CCAR2: variants seen among roughly 807,000 people sequenced by gnomAD.
The protein encoded by CCAR2 is cell cycle and apoptosis regulator 2.
A neutral mutation model predicts 108.1 loss-of-function variants in CCAR2; 21 were observed. The ratio of observed to expected loss-of-function variants is 0.19; its 90% CI spans 0.14 to 0.28. The LOEUF (loss-of-function observed/expected upper bound fraction) is 0.28, where lower values mean the gene tolerates loss of function less well. Ranked by LOEUF, CCAR2 falls within the 10% of genes least tolerant of loss-of-function variation. CCAR2 has a pLI of 1.00. For synonymous variants in CCAR2, 577 were observed against 472.8 expected, an observed-to-expected ratio of 1.22 and a Z score of -2.86; for missense variants, 1,126 against 1,177.0, an observed-to-expected ratio of 0.96 and a Z score of 0.63.
intron 1 of CCAR2, 162 bp from the exon 2 acceptor site, chr8:22,605,574 C>T (rs941293228): frequency 5.3e-5 from 31 of 588,804 alleles, no homozygotes; most frequent in African/African-American, 5.2e-4. Context: ...TTTCTTGTTT[C>T]ATTTCTTTCT....
intron 19 of CCAR2, 21 bp from the exon 20 acceptor site, chr8:22,619,129 G>A (rs200515228): frequency 1.2e-5 from 19 of 1,603,012 alleles, no homozygotes; most frequent in Admixed American, 3.4e-5. Flanking sequence ...AGCCGTCCCC[G>A]TTTCCTTCTC....
Position 22,614,263 on chromosome 8 carries a change from CGCTGGT to C in CCAR2, c.881_886del (p.Gly294_Ala295del), listed in dbSNP as rs764757442. 2.7e-5 allele frequency: 44 copies of C among 1,613,966 alleles called. No homozygotes were observed. In the African/African-American group the frequency reaches 4.5e-4, roughly 17 times the overall value. ...CTTCTGAAAAGGAGGCAGCTCCAGA[CGCTGGT>C]GCTGAGCCCATCACTGCAGACAGTG... On this transcript the variant is annotated inframe_deletion, in exon 9 of 21. Coordinates refer to ENST00000308511, the MANE Select transcript of CCAR2 (RefSeq NM_001393997.1).
rs200140717 is a variant in CCAR2 at position 22,619,726 on chromosome 8, C to T, written c.*44C>T. 2 of 1,549,408 alleles carry T rather than the reference C, an allele frequency of 1.3e-6. No homozygotes were observed. Among genetic ancestry groups the T allele is most frequent in the Non-Finnish European group, 8.7e-7 (1 of 1,146,508 alleles). On this transcript the variant is annotated 3_prime_UTR_variant, in exon 21 of 21. Transcript: ENST00000308511. The stretch of plus-strand genomic sequence containing the variant: ...CCATCCTGTGAGGGCAGCGGTGGCG[C>T]CCGGCAAAGTTGGAGCCCTTGCGGT...
intron 5 of CCAR2, 50 bp from the exon 6 acceptor site, chr8:22,607,146 G>A: frequency 6.2e-7 from 1 of 1,610,958 alleles, no homozygotes; most frequent in Non-Finnish European, 8.5e-7. Flanking sequence ...CCAAGGTAGT[G>A]AGTGCCTCAA....
chr8:22,616,488 C>T (rs1460991732), intron 14 of CCAR2: 9 of 559,344 alleles, frequency 1.6e-5, no homozygotes, highest in Non-Finnish European at 2.2e-5. Flanking sequence ...GAACGCTTGG[C>T]AGAGTGGGGT....
At chr8:22,617,822 G>GC in intron 16 of CCAR2, 44 bp downstream of exon 16, 1 of 1,593,842 alleles carries the variant, frequency 6.3e-7, no homozygotes, top group Non-Finnish European at 8.6e-7. Flanking sequence ...TGGTGGTGAG[G>GC]CTTGGCAAGG....
At chr8:22,615,121 TCC>T (rs1158661759) in intron 11 of CCAR2, 120 bp downstream of exon 11, 4 of 1,313,186 alleles carry the variant, frequency 3.0e-6, no homozygotes, top group Non-Finnish European at 4.1e-6. Context: ...TCCCGTTCCT[TCC>T]CCCTCTGGTG....
Position 22,605,745 on chromosome 8 carries a change from C to G in CCAR2, c.-29C>G, listed in dbSNP as rs1463430184. 1.2e-6 allele frequency: 2 copies of G among 1,605,550 alleles called. No individual in the cohort carries two copies. The highest frequency in any genetic ancestry group is 3.4e-5 in the Admixed American group (2 of 59,384). On this transcript the variant is annotated 5_prime_UTR_variant, in exon 2 of 21. Coordinates refer to ENST00000308511, the MANE Select transcript of CCAR2 (RefSeq NM_001393997.1). Reference sequence around the variant, plus strand: ...TCTTTTTGGATTGAAGCCTTTTCCCCACGACTCTGAAAGAGGACAGCGTTC... The same window carrying G: ...TCTTTTTGGATTGAAGCCTTTTCCCGACGACTCTGAAAGAGGACAGCGTTC...
At chr8:22,608,430 T>G (rs1801160482) in intron 7 of CCAR2, among the ~76,000 whole-genome samples, 1 of 152,224 alleles carries the variant, frequency 6.6e-6, no homozygotes, top group African/African-American at 2.4e-5. Context: ...TCAAAACAAC[T>G]AGAACACTGC....
chr8:22,618,209 G>C lies in CCAR2; in HGVS notation c.2074-140G>C. 6.3e-6 allele frequency: 7 copies of C among 1,118,892 alleles called. No individual in the cohort carries two copies. The South Asian group carries it at 9.8e-5, about 16-fold the overall frequency. 69.3% of individuals were successfully genotyped at this position (1,118,892 alleles called of 1,614,324 possible). A position where few individuals can be genotyped will look rare whatever the true frequency, so the allele number is the denominator to read the frequency against. On this transcript the variant is annotated intron_variant, in intron 16 of 20. Transcript: ENST00000308511. ...GGGTTCAAGTGATTCTCCTGCCTTA[G>C]CCTCCCCAGCAGCTGGGACTTCAGG...
In CCAR2 at chr8:22,617,581, G is replaced by GA; in HGVS notation, c.1990+18dup. 6.2e-7 allele frequency: 1 copy of GA among 1,605,496 alleles called. No individual in the cohort carries two copies. Among genetic ancestry groups the GA allele is most frequent in the Non-Finnish European group, 8.5e-7 (1 of 1,174,974 alleles). ...AGGAGTTTGGTATGTTGAGTGGTGA[G>GA]AGGGGAGCTTGCAGGCTTGGGATGT... is the stretch of plus-strand genomic sequence containing the variant. On this transcript the variant is annotated intron_variant, in intron 15 of 20. Coordinates refer to ENST00000308511, the MANE Select transcript of CCAR2 (RefSeq NM_001393997.1).
Position 22,606,710 on chromosome 8 carries a change from G to A in CCAR2, c.242+12G>A, listed in dbSNP as rs752825942. ...TTTTTTCAGCTAAGGTAGGCTTGAG[G>A]TTGGTCCCCTAACGGAAATGCTTAT... On this transcript the variant is annotated intron_variant, in intron 4 of 20. Transcript: ENST00000308511. 1.2e-6 allele frequency: 2 copies of A among 1,609,108 alleles called. No homozygotes were observed. The highest frequency in any genetic ancestry group is 3.3e-5 in the Admixed American group (2 of 59,922).
intron 8 of CCAR2, chr8:22,613,795 G>A (rs1275786193): frequency 1.4e-5 from 5 of 355,972 alleles, no homozygotes; most frequent in South Asian, 4.9e-5. Flanking sequence ...TCAATTTTCC[G>A]TTTTAGGCTT....
In CCAR2 at chr8:22,607,903, G is replaced by C. The variant is rs1181770773; in HGVS notation, c.488-66G>C. 9.4e-6 allele frequency: 12 copies of C among 1,269,972 alleles called. No individual in the cohort carries two copies. In the East Asian group the frequency reaches 1.6e-4, roughly 17 times the overall value. 78.7% of individuals were successfully genotyped at this position (1,269,972 alleles called of 1,614,324 possible). On this transcript the variant is annotated intron_variant, in intron 6 of 20. Transcript: ENST00000308511. ...GTCCTCTCAAAGTGCTGGGATTACA[G>C]GTGTGAGCTATTGCACCCGGCCGGT...
chr8:22,609,271 C>G (rs77062779), intron 7 of CCAR2, among the ~76,000 whole-genome samples: 3,956 of 152,200 alleles, frequency 0.026, 73 homozygotes, highest in Non-Finnish European at 0.038. Context: ...CCTATAAATC[C>G]CAGTGCTTTG....
chr8:22,608,872 C>T (rs550784522), intron 7 of CCAR2, among the ~76,000 whole-genome samples: 37 of 152,234 alleles, frequency 2.4e-4, no homozygotes, highest in Middle Eastern at 3.4e-3. Context: ...TACCCATTAC[C>T]CAGCTTCTTC....
chr8:22,621,287 A>T, downstream of CCAR2: 1 of 1,208,840 alleles, frequency 8.3e-7, no homozygotes, highest in Non-Finnish European at 1.1e-6. Context: ...AGGAAGAGTC[A>T]TTCATTGCAA....
intron 16 of CCAR2, 23 bp downstream of exon 16, chr8:22,617,801 CTG>C: frequency 6.2e-7 from 1 of 1,610,644 alleles, no homozygotes; most frequent in Non-Finnish European, 8.5e-7. Context: ...CTCGACCACT[CTG>C]GGTCTCAGTG....
chr8:22,609,620 A>C (rs1801204843), intron 7 of CCAR2, among the ~76,000 whole-genome samples: 1 of 152,214 alleles, frequency 6.6e-6, no homozygotes, highest in Non-Finnish European at 1.5e-5. Flanking sequence ...TGTCCTGTGC[A>C]TCTTCCTGGT....
Sources: gnomAD v4.1 joint callset for allele counts (sites outside exome capture counted in the v4.1 genomes callset) on GRCh38, gnomAD v4.1.1 for gene constraint, MANE v1.5 for transcripts, NCBI Gene and HGNC (gene_info 2026-07-23, HGNC 2026-07-21) for gene names.